Variants in MGMT observed in about 807,000 individuals in gnomAD.
The protein encoded by MGMT is O-6-methylguanine-DNA methyltransferase, also known as methylated-DNA--protein-cysteine methyltransferase.
Under a neutral mutation model 15.9 loss-of-function variants are expected in MGMT, and 14 were observed. That is an observed-to-expected ratio of 0.88 (90% CI 0.58 to 1.37). The LOEUF (loss-of-function observed/expected upper bound fraction) is 1.37, where lower values mean the gene tolerates loss of function less well. Ranked by LOEUF, MGMT falls within the 40% of genes most tolerant of loss-of-function variation. The pLI is 0.00. For synonymous variants in MGMT, 130 were observed against 118.2 expected, an observed-to-expected ratio of 1.10 and a Z score of -0.65; for missense variants, 282 against 268.1, an observed-to-expected ratio of 1.05 and a Z score of -0.36.
At chr10:129,581,120 T>C (rs936383388) in intron 2 of MGMT, among the ~76,000 whole-genome samples, 3 of 152,220 alleles carry the variant, frequency 2.0e-5, no homozygotes, top group Non-Finnish European at 4.4e-5. Context: ...GGTGGATAAT[T>C]GTTAACGGTG....
chr10:129,563,428 T>C (rs1846303437), intron 2 of MGMT, among the ~76,000 whole-genome samples: 1 of 152,136 alleles, frequency 6.6e-6, no homozygotes, highest in Admixed American at 6.5e-5. Context: ...CCCTGGTCAG[T>C]ATTGTGACCT....
intron 2 of MGMT, among the ~76,000 whole-genome samples, chr10:129,638,681 A>G (rs939036207): frequency 5.1e-4 from 78 of 152,262 alleles, no homozygotes; most frequent in African/African-American, 1.8e-3. Context: ...CTAAAACTTT[A>G]AAATATGAGG....
intron 3 of MGMT, among the ~76,000 whole-genome samples, chr10:129,756,304 G>T (rs1220138978): frequency 6.6e-6 from 1 of 152,174 alleles, no homozygotes; most frequent in Non-Finnish European, 1.5e-5. Flanking sequence ...CACAGGACAG[G>T]CAGGAGGAAG....
At chr10:129,698,338 T>A (rs1261277496) in intron 2 of MGMT, among the ~76,000 whole-genome samples, 1 of 150,650 alleles carries the variant, frequency 6.6e-6, no homozygotes, top group Non-Finnish European at 1.5e-5. Flanking sequence ...TCTCTGTGTA[T>A]AGATCGACGT....
chr10:129,630,465 T>G (rs1847197524), intron 2 of MGMT, among the ~76,000 whole-genome samples: 1 of 152,230 alleles, frequency 6.6e-6, no homozygotes, highest in Non-Finnish European at 1.5e-5. Context: ...CAGGCTGAAC[T>G]TGCCAGCTAC....
intron 3 of MGMT, among the ~76,000 whole-genome samples, chr10:129,729,163 C>A (rs1228404089): frequency 3.9e-5 from 6 of 152,046 alleles, no homozygotes; most frequent in Admixed American, 2.0e-4. Flanking sequence ...GACAGGGAGA[C>A]CCTCTGAGCT....
intron 2 of MGMT, among the ~76,000 whole-genome samples, chr10:129,615,211 G>T (rs1253476362): frequency 6.6e-6 from 1 of 152,176 alleles, no homozygotes; most frequent in Non-Finnish European, 1.5e-5. Context: ...TAGAAATTAG[G>T]TTTGTTTTGA....
chr10:129,754,441 T>G (rs1848783003), intron 3 of MGMT, among the ~76,000 whole-genome samples: 1 of 152,126 alleles, frequency 6.6e-6, no homozygotes, highest in South Asian at 2.1e-4. Flanking sequence ...TCCCCCTCAC[T>G]GGTTTGGGCT....
intron 3 of MGMT, among the ~76,000 whole-genome samples, chr10:129,719,729 G>A (rs1171113761): frequency 6.6e-6 from 1 of 152,184 alleles, no homozygotes; most frequent in South Asian, 2.1e-4. Flanking sequence ...TGCTGATACA[G>A]TTGAAATGCC....
intron 2 of MGMT, among the ~76,000 whole-genome samples, chr10:129,604,279 T>C (rs1341373011): frequency 3.3e-5 from 5 of 152,180 alleles, no homozygotes; most frequent in Non-Finnish European, 4.4e-5. Flanking sequence ...AATTGTAGTT[T>C]ACATTTCCCA....
At chr10:129,631,471 AT>A (rs1589904068) in intron 2 of MGMT, among the ~76,000 whole-genome samples, 1 of 152,228 alleles carries the variant, frequency 6.6e-6, no homozygotes, top group Non-Finnish European at 1.5e-5. Context: ...GTATGGTTTT[AT>A]AATTTTTTGA....
chr10:129,618,207 T>C (rs777750030), intron 2 of MGMT, among the ~76,000 whole-genome samples: 2 of 152,162 alleles, frequency 1.3e-5, no homozygotes, highest in Non-Finnish European at 2.9e-5. Context: ...GGATTTTCTT[T>C]TTAAGTTGGA....
chr10:129,487,593 A>ATG (rs1156530542), intron 1 of MGMT, among the ~76,000 whole-genome samples: 2 of 151,594 alleles, frequency 1.3e-5, no homozygotes, highest in Non-Finnish European at 2.9e-5. Context: ...TTGTATATAT[A>ATG]TATGTACACA....
intron 3 of MGMT, among the ~76,000 whole-genome samples, chr10:129,731,125 G>T (rs1223883119): frequency 6.6e-6 from 1 of 152,166 alleles, no homozygotes; most frequent in Non-Finnish European, 1.5e-5. Context: ...CTCCAGGTGA[G>T]CTCTGAGGTC....
chr10:129,467,557 C>G (rs1845183079), intron 1 of MGMT: 1 of 479,316 alleles, frequency 2.1e-6, no homozygotes, highest in South Asian at 8.7e-5. Context: ...GTGGCAGCCC[C>G]TGCCTTACCT....
At chr10:129,475,390 T>C (rs1185293578) in intron 1 of MGMT, among the ~76,000 whole-genome samples, 1 of 152,140 alleles carries the variant, frequency 6.6e-6, no homozygotes, top group Non-Finnish European at 1.5e-5. Flanking sequence ...CTCAGCACAG[T>C]GCATGAGAGG....
intron 1 of MGMT, among the ~76,000 whole-genome samples, chr10:129,492,731 C>T (rs1564833546): frequency 6.6e-6 from 1 of 152,170 alleles, no homozygotes; most frequent in Non-Finnish European, 1.5e-5. Context: ...AGTCCCAGTC[C>T]CCCTAGTCCT....
intron 2 of MGMT, 68 bp from the exon 3 acceptor site, chr10:129,707,827 T>C: frequency 2.5e-6 from 4 of 1,593,754 alleles, no homozygotes; most frequent in Non-Finnish European, 2.6e-6. Flanking sequence ...ATGCAGTAGG[T>C]GTTTGCTTTT....
At chr10:129,524,417 C>G (rs538886314) in intron 1 of MGMT, among the ~76,000 whole-genome samples, 1 of 152,248 alleles carries the variant, frequency 6.6e-6, no homozygotes, top group South Asian at 2.1e-4. Context: ...TGCGTGTACA[C>G]CTGAGTGTAC....
Sources: allele counts gnomAD v4.1 joint callset (sites outside exome capture counted in the v4.1 genomes callset), GRCh38; gene constraint gnomAD v4.1.1; transcripts MANE v1.5; gene names NCBI Gene and HGNC (gene_info 2026-07-23, HGNC 2026-07-21).